CDH12: variants seen among roughly 807,000 people sequenced by gnomAD.
The protein encoded by CDH12 is cadherin 12, also known as cadherin-12.
A neutral mutation model predicts 74.1 loss-of-function variants in CDH12; 41 were observed. The ratio of observed to expected loss-of-function variants is 0.55; its 90% CI spans 0.43 to 0.72. The LOEUF is 0.72. Among genes scored for constraint, CDH12 ranks in the 30% least tolerant of loss-of-function variants. The pLI, the probability that CDH12 is intolerant of heterozygous loss-of-function variation, is 0.00. For missense variants in CDH12, 945 were observed against 977.2 expected, an observed-to-expected ratio of 0.97 and a Z score of 0.44; for synonymous variants, 399 against 355.0, an observed-to-expected ratio of 1.12 and a Z score of -1.39.
intron 6 of CDH12, among the ~76,000 whole-genome samples, chr5:21,957,634 G>A (rs568948377): frequency 9.2e-5 from 14 of 152,186 alleles, no homozygotes; most frequent in African/African-American, 3.1e-4. Context: ...ATATTTCATT[G>A]TGGTTTTAAT....
chr5:22,038,500 C>T (rs1295585234), intron 5 of CDH12, among the ~76,000 whole-genome samples: 1 of 152,196 alleles, frequency 6.6e-6, no homozygotes, highest in East Asian at 1.9e-4. Context: ...AGAAACGGTG[C>T]CATGGTGGAG....
At chr5:22,217,538 CT>C (rs1181545933) in intron 3 of CDH12, among the ~76,000 whole-genome samples, 4 of 151,518 alleles carry the variant, frequency 2.6e-5, no homozygotes, top group African/African-American at 4.8e-5. Context: ...CATTTTAGAC[CT>C]TTCTTGTTAG....
chr5:22,227,531 T>C (rs1183528101), intron 3 of CDH12, among the ~76,000 whole-genome samples: 4 of 152,130 alleles, frequency 2.6e-5, no homozygotes, highest in Non-Finnish European at 4.4e-5. Context: ...GTGGGAACTT[T>C]GAAGAGCTGC....
In CDH12 at chr5:22,788,283, G is replaced by T. The variant is rs184423316; in HGVS notation, c.-523+64775C>A. ...TGTTACCTTCTAAGTTTATTTTAATGTGCTATAAATTTATCCTTTATTTTA... is the reference window on the plus strand; with the variant it reads ...TGTTACCTTCTAAGTTTATTTTAATTTGCTATAAATTTATCCTTTATTTTA... On this transcript the variant is annotated intron_variant, in intron 1 of 14. Coordinates refer to ENST00000382254, the MANE Select transcript of CDH12 (RefSeq NM_004061.5). 1.5e-3 allele frequency among the ~76,000 whole-genome samples: 228 copies of T among 151,940 alleles called. 1 individual carries two copies. Among genetic ancestry groups the T allele is most frequent in the African/African-American group, 5.4e-3 (222 of 41,474 alleles).
At chr5:22,218,725 T>A (rs1475076227) in intron 3 of CDH12, among the ~76,000 whole-genome samples, 1 of 151,698 alleles carries the variant, frequency 6.6e-6, no homozygotes, top group African/African-American at 2.4e-5. Context: ...TTACTGTATA[T>A]AAATTATACC....
At chr5:22,654,630 T>G (rs1486974411) in intron 1 of CDH12, among the ~76,000 whole-genome samples, 28 of 150,382 alleles carry the variant, frequency 1.9e-4, no homozygotes, top group Admixed American at 1.4e-3. Flanking sequence ...TTTGCTTGTT[T>G]TTTTTTTGTT....
intron 1 of CDH12, among the ~76,000 whole-genome samples, chr5:22,810,729 A>G (rs947118743): frequency 2.0e-5 from 3 of 152,040 alleles, no homozygotes; most frequent in Non-Finnish European, 4.4e-5. Flanking sequence ...AATAAAACAA[A>G]ATTAACCGGG....
At chr5:22,410,001 ATTT>A (rs1165677499) in intron 2 of CDH12, among the ~76,000 whole-genome samples, 2 of 152,078 alleles carry the variant, frequency 1.3e-5, no homozygotes, top group South Asian at 4.1e-4. Flanking sequence ...AATACAAATT[ATTT>A]TTTATTACAA....
chr5:21,835,060 T>A (rs1749453695), intron 8 of CDH12, among the ~76,000 whole-genome samples: 2 of 151,944 alleles, frequency 1.3e-5, no homozygotes, highest in Admixed American at 1.3e-4. Context: ...GGGGGTGTTA[T>A]CAGTTGTTTG....
chr5:22,842,562 T>G (rs566707762), intron 1 of CDH12, among the ~76,000 whole-genome samples: 1 of 152,114 alleles, frequency 6.6e-6, no homozygotes, highest in Non-Finnish European at 1.5e-5. Context: ...TTTATTGGTG[T>G]TGTAGGCCAA....
intron 6 of CDH12, among the ~76,000 whole-genome samples, chr5:21,891,470 G>A (rs1752893578): frequency 6.6e-6 from 1 of 151,736 alleles, no homozygotes; most frequent in Non-Finnish European, 1.5e-5. Context: ...ATCATGAAAT[G>A]AATTACACAC....
At chr5:22,089,069 C>T (rs1034352650) in intron 4 of CDH12, among the ~76,000 whole-genome samples, 3 of 152,174 alleles carry the variant, frequency 2.0e-5, no homozygotes, top group East Asian at 3.9e-4. Context: ...CATTGACCAG[C>T]AGGCTGTTTA....
At chr5:22,011,397 G>A (rs1317835605) in intron 5 of CDH12, among the ~76,000 whole-genome samples, 2 of 152,094 alleles carry the variant, frequency 1.3e-5, no homozygotes, top group Middle Eastern at 3.2e-3. Flanking sequence ...ATTATTTTCT[G>A]TACTCTTAGA....
chr5:22,852,614 T>A (rs1412789204), intron 1 of CDH12, among the ~76,000 whole-genome samples: 1 of 152,180 alleles, frequency 6.6e-6, no homozygotes, highest in African/African-American at 2.4e-5. Flanking sequence ...TTCATAAATT[T>A]CAGCGTCAGT....
intron 1 of CDH12, among the ~76,000 whole-genome samples, chr5:22,604,145 T>A (rs1332358984): frequency 1.3e-5 from 2 of 152,164 alleles, no homozygotes; most frequent in Non-Finnish European, 2.9e-5. Flanking sequence ...GGACACAGAG[T>A]AACATCCATC....
chr5:22,016,039 T>C (rs1580116808), intron 5 of CDH12, among the ~76,000 whole-genome samples: 1 of 151,750 alleles, frequency 6.6e-6, no homozygotes, highest in East Asian at 1.9e-4. Context: ...TTTAGAAATA[T>C]ATAAAGTTGA....
chr5:22,212,254 TTAAC>T (rs1751586925), intron 4 of CDH12: 2 of 152,378 alleles, frequency 1.3e-5, no homozygotes, highest in African/African-American at 4.8e-5. Context: ...AAATGAGAAA[TTAAC>T]TATCTTTTCA....
intron 4 of CDH12, among the ~76,000 whole-genome samples, chr5:22,117,298 A>G (rs892481500): frequency 6.7e-6 from 1 of 149,832 alleles, no homozygotes; most frequent in African/African-American, 2.5e-5. Context: ...TAAATATCTT[A>G]TTTATTTGAA....
In CDH12 at chr5:22,022,614, A is replaced by AT. The variant is rs1159465696; in HGVS notation, c.232-47230dup. On this transcript the variant is annotated intron_variant, in intron 5 of 14. Coordinates refer to ENST00000382254, the MANE Select transcript of CDH12 (RefSeq NM_004061.5). ...ACAGTATTGGATTTGATTATCTTAC[A>AT]TTTTGAAGTAATAATATCACAGGCT... Among the ~76,000 whole-genome samples, 8 of 152,290 alleles carry AT rather than the reference A, an allele frequency of 5.3e-5. No individual in the cohort carries two copies. In the East Asian group the frequency reaches 1.5e-3, roughly 29 times the overall value.
Sources: allele counts gnomAD v4.1 joint callset (sites outside exome capture counted in the v4.1 genomes callset), GRCh38; gene constraint gnomAD v4.1.1; transcripts MANE v1.5; gene names NCBI Gene and HGNC (gene_info 2026-07-23, HGNC 2026-07-21).